The following EPHB1 variants were observed in gnomAD, a reference collection of about 807,000 sequenced individuals.
EPHB1 encodes the protein EPH receptor B1.
In EPHB1, 30 loss-of-function variants were observed where a neutral mutation model predicts 94.4. The ratio of observed to expected loss-of-function variants is 0.32; its 90% CI spans 0.24 to 0.43. The LOEUF is 0.43. Ranked by LOEUF, EPHB1 falls within the 20% of genes least tolerant of loss-of-function variation. The probability of loss-of-function intolerance (pLI) is 1.00; values close to 1 mark genes in which losing one functional copy is unlikely to be tolerated. For synonymous variants in EPHB1, 522 were observed against 489.1 expected (o/e 1.07, Z -0.89); for missense variants, 1,055 against 1,308.3 (o/e 0.81, Z 2.99).
intron 2 of EPHB1, among the ~76,000 whole-genome samples, chr3:134,928,487 C>T (rs1170856257): frequency 2.6e-5 from 4 of 152,210 alleles, no homozygotes; most frequent in African/African-American, 9.7e-5. Context: ...CACTACCTGA[C>T]TCAATGTTTC....
chr3:135,119,084 C>T (rs546225117), intron 4 of EPHB1, among the ~76,000 whole-genome samples: 1 of 152,110 alleles, frequency 6.6e-6, no homozygotes, highest in South Asian at 2.1e-4. Context: ...TGGCTGACCT[C>T]CTAGTCATTT....
chr3:135,218,351 T>C (rs1372043460), intron 12 of EPHB1, among the ~76,000 whole-genome samples: 1 of 152,214 alleles, frequency 6.6e-6, no homozygotes, highest in Admixed American at 6.5e-5. Flanking sequence ...TGGGTCACTT[T>C]GTTACCAATG....
intron 3 of EPHB1, among the ~76,000 whole-genome samples, chr3:135,005,639 G>C (rs917799993): frequency 2.0e-5 from 3 of 152,264 alleles, no homozygotes; most frequent in Non-Finnish European, 2.9e-5. Context: ...CTCCGAGCCA[G>C]GTGCGGGATA....
intron 1 of EPHB1, among the ~76,000 whole-genome samples, chr3:134,803,405 G>A (rs1038443592): frequency 6.6e-6 from 1 of 152,182 alleles, no homozygotes; most frequent in Admixed American, 6.5e-5. Flanking sequence ...TAACTTCTGA[G>A]GTCCCTGGGA....
intron 3 of EPHB1, among the ~76,000 whole-genome samples, chr3:134,963,146 C>CTTCCTTCCTTCCTTCT (rs1933592525): frequency 9.9e-6 from 1 of 101,228 alleles, no homozygotes; most frequent in Non-Finnish European, 1.7e-5. Context: ...TCCTTCCTTC[C>CTTCCTTCCTTCCTTCT]TTCCTTCCTT....
At chr3:134,992,976 C>G (rs1934865138) in intron 3 of EPHB1, among the ~76,000 whole-genome samples, 1 of 151,242 alleles carries the variant, frequency 6.6e-6, no homozygotes, top group African/African-American at 2.5e-5. Context: ...TCCCCACTGC[C>G]AGCTCCACCA....
intron 10 of EPHB1, among the ~76,000 whole-genome samples, chr3:135,182,044 T>C (rs1203536245): frequency 6.6e-6 from 1 of 152,214 alleles, no homozygotes; most frequent in Non-Finnish European, 1.5e-5. Flanking sequence ...GAGCGAATCC[T>C]TGTGGATGTT....
intron 4 of EPHB1, among the ~76,000 whole-genome samples, chr3:135,119,988 C>A (rs1939884224): frequency 6.6e-6 from 1 of 152,180 alleles, no homozygotes; most frequent in African/African-American, 2.4e-5. Flanking sequence ...TCTGTTCTGG[C>A]ACCAGTTCTA....
rs149413150 is a variant in EPHB1 at position 134,876,935 on chromosome 3, T to C, written c.59-48881T>C. On this transcript the variant is annotated intron_variant, in intron 1 of 15. Coordinates refer to ENST00000398015, the MANE Select transcript of EPHB1 (RefSeq NM_004441.5). ...CATGCCTTGGTGCTGTAGGAATGAA[T>C]TCCCAGTGGAATGAATTTTTCCTCA... Among the ~76,000 whole-genome samples the C allele has an allele frequency of 6.4e-3, 968 of 152,306 alleles. 16 individuals are homozygous for C. The highest frequency in any genetic ancestry group is 0.022 in the African/African-American group (904 of 41,558).
At chr3:134,996,769 A>T (rs958548706) in intron 3 of EPHB1, among the ~76,000 whole-genome samples, 1 of 152,046 alleles carries the variant, frequency 6.6e-6, no homozygotes, top group African/African-American at 2.4e-5. Context: ...AGTTGGACTA[A>T]AAAACTTATT....
chr3:135,068,509 T>C (rs910599115), intron 3 of EPHB1, among the ~76,000 whole-genome samples: 4 of 152,176 alleles, frequency 2.6e-5, no homozygotes, highest in Non-Finnish European at 5.9e-5. Flanking sequence ...TTTGTTTTTT[T>C]ATTGTTGTTG....
At chr3:134,911,124 G>T (rs2038443466) in intron 1 of EPHB1, among the ~76,000 whole-genome samples, 1 of 152,222 alleles carries the variant, frequency 6.6e-6, no homozygotes, top group Non-Finnish European at 1.5e-5. Context: ...TGCAGCCTTT[G>T]AACTCCTGGG....
At chr3:134,859,941 G>A (rs929135286) in intron 1 of EPHB1, among the ~76,000 whole-genome samples, 1 of 151,660 alleles carries the variant, frequency 6.6e-6, no homozygotes, top group Non-Finnish European at 1.5e-5. Context: ...ATTTTTTGAT[G>A]TCTTTGTAAT....
rs1260015344 is a variant in EPHB1 at position 134,871,727 on chromosome 3, C to T, written c.59-54089C>T. ...CTAGTCTCTTCACTCACTGCAAACACGTAGCACCCCTTTGTCCTTAGATCT... is the reference window on the plus strand; with the variant it reads ...CTAGTCTCTTCACTCACTGCAAACATGTAGCACCCCTTTGTCCTTAGATCT... On this transcript the variant is annotated intron_variant, in intron 1 of 15. Transcript: ENST00000398015. Among the ~76,000 whole-genome samples, 8 of 152,132 alleles carry T rather than the reference C, an allele frequency of 5.3e-5. No individual in the cohort carries two copies. The East Asian group carries it at 7.7e-4, about 15-fold the overall frequency.
chr3:135,032,762 T>G (rs1305483243), intron 3 of EPHB1, among the ~76,000 whole-genome samples: 1 of 152,210 alleles, frequency 6.6e-6, no homozygotes, highest in Non-Finnish European at 1.5e-5. Flanking sequence ...TCACTGAATT[T>G]TATTTATTCA....
intron 1 of EPHB1, among the ~76,000 whole-genome samples, chr3:134,855,663 A>T (rs2037098633): frequency 2.1e-5 from 1 of 47,594 alleles, no homozygotes; most frequent in Admixed American, 2.9e-4. Flanking sequence ...TCCTTCTGAT[A>T]CATTTTTTCA....
At chr3:134,828,283 AC>A (rs1282263107) in intron 1 of EPHB1, among the ~76,000 whole-genome samples, 1 of 152,242 alleles carries the variant, frequency 6.6e-6, no homozygotes, top group Non-Finnish European at 1.5e-5. Flanking sequence ...GTGAGTAGGA[AC>A]AAAAAAAGAT....
chr3:134,822,063 A>G (rs767773395), intron 1 of EPHB1, among the ~76,000 whole-genome samples: 19 of 152,130 alleles, frequency 1.2e-4, no homozygotes, highest in Non-Finnish European at 2.2e-4. Context: ...GCCTGAGATG[A>G]GTATAGGAGG....
chr3:134,952,129 G>A, intron 3 of EPHB1, 77 bp downstream of exon 3: 1 of 1,445,090 alleles, frequency 6.9e-7, no homozygotes, highest in East Asian at 2.3e-5. Context: ...AATAATTCTG[G>A]GTCATACAGG....
Sources: gnomAD v4.1 joint callset for allele counts (sites outside exome capture counted in the v4.1 genomes callset) on GRCh38, gnomAD v4.1.1 for gene constraint, MANE v1.5 for transcripts, NCBI Gene and HGNC (gene_info 2026-07-23, HGNC 2026-07-21) for gene names.